Variants in TBC1D5 observed in about 807,000 individuals in gnomAD.
TBC1D5 encodes TBC1 domain family, member 5.
Under a neutral mutation model 100.3 loss-of-function variants are expected in TBC1D5, and 75 were observed. The observed-to-expected ratio is 0.75, with a 90% CI of 0.62 to 0.91. TBC1D5 has a LOEUF of 0.91. TBC1D5 is among the 40% of genes least tolerant of loss of function. The probability of loss-of-function intolerance (pLI) is 0.00; values close to 1 mark genes in which losing one functional copy is unlikely to be tolerated. For synonymous variants in TBC1D5, 323 were observed against 325.6 expected (o/e 0.99, Z 0.09); for missense variants, 910 against 942.4 (o/e 0.97, Z 0.45).
chr3:17,390,716 C>CA (rs2093326893), intron 8 of TBC1D5, among the ~76,000 whole-genome samples: 1 of 152,058 alleles, frequency 6.6e-6, no homozygotes, highest in South Asian at 2.1e-4. Flanking sequence ...TATTAACCAC[C>CA]AAAATAACTA....
intron 1 of TBC1D5, among the ~76,000 whole-genome samples, chr3:17,636,447 G>A (rs2063937137): frequency 6.6e-6 from 1 of 151,998 alleles, no homozygotes. Flanking sequence ...TGAGTAATAA[G>A]AGAAATTAGT....
chr3:17,724,546 TTTG>T (rs942121116), intron 1 of TBC1D5, among the ~76,000 whole-genome samples: 2 of 152,232 alleles, frequency 1.3e-5, no homozygotes, highest in African/African-American at 4.8e-5. Flanking sequence ...AGAGATTTTC[TTTG>T]TTGTTGATGT....
intron 15 of TBC1D5, among the ~76,000 whole-genome samples, chr3:17,267,864 A>T (rs2079005148): frequency 6.6e-6 from 1 of 152,192 alleles, no homozygotes; most frequent in Non-Finnish European, 1.5e-5. Flanking sequence ...CAATGAAAAA[A>T]CATCTTGGAA....
At chr3:17,529,671 G>C (rs2096191762) in intron 2 of TBC1D5, among the ~76,000 whole-genome samples, 1 of 151,464 alleles carries the variant, frequency 6.6e-6, no homozygotes, top group African/African-American at 2.4e-5. Flanking sequence ...TTTTGAGACA[G>C]AGTCTTGTTC....
intron 14 of TBC1D5, among the ~76,000 whole-genome samples, chr3:17,295,696 T>A (rs1212509310): frequency 6.6e-6 from 1 of 152,240 alleles, no homozygotes; most frequent in Non-Finnish European, 1.5e-5. Context: ...TAAGTTCATA[T>A]TGAGATATAC....
intron 1 of TBC1D5, among the ~76,000 whole-genome samples, chr3:17,627,573 A>C (rs1352859562): frequency 6.6e-6 from 1 of 152,126 alleles, no homozygotes; most frequent in Non-Finnish European, 1.5e-5. Context: ...CCATAAAGAG[A>C]GTGCTTGCAA....
At chr3:17,219,477 TG>T (rs1345805316) in intron 17 of TBC1D5, among the ~76,000 whole-genome samples, 5 of 126,694 alleles carry the variant, frequency 3.9e-5, no homozygotes, top group African/African-American at 5.6e-5. Context: ...TACTTTCCTG[TG>T]GTTTTTTTTT....
At chr3:17,307,378 G>A (rs374452801) in intron 14 of TBC1D5, among the ~76,000 whole-genome samples, 5 of 152,112 alleles carry the variant, frequency 3.3e-5, no homozygotes, top group African/African-American at 4.8e-5. Context: ...AATACACACC[G>A]ATATTTTCTT....
intron 3 of TBC1D5, among the ~76,000 whole-genome samples, chr3:17,479,476 A>G (rs7650295): frequency 0.077 from 11,676 of 152,284 alleles, 908 homozygotes; most frequent in African/African-American, 0.21. Flanking sequence ...ACATAATATT[A>G]AAGTTGCAAA....
chr3:17,227,553 A>G (rs1428704903), intron 17 of TBC1D5, among the ~76,000 whole-genome samples: 1 of 152,126 alleles, frequency 6.6e-6, no homozygotes, highest in Non-Finnish European at 1.5e-5. Flanking sequence ...TTGTAGGAAC[A>G]TAGATGGAGC....
At chr3:17,561,563 A>C (rs1230093436) in intron 2 of TBC1D5, among the ~76,000 whole-genome samples, 2 of 152,192 alleles carry the variant, frequency 1.3e-5, no homozygotes, top group Non-Finnish European at 2.9e-5. Flanking sequence ...AAGGCGAAAA[A>C]ACATAAAGTA....
chr3:17,648,015 C>A (rs1393553444), intron 1 of TBC1D5, among the ~76,000 whole-genome samples: 1 of 151,998 alleles, frequency 6.6e-6, no homozygotes, highest in Non-Finnish European at 1.5e-5. Context: ...AAAAAGACAC[C>A]GAATAGCCAA....
intron 1 of TBC1D5, among the ~76,000 whole-genome samples, chr3:17,727,587 A>G (rs1168995606): frequency 6.6e-6 from 1 of 152,240 alleles, no homozygotes; most frequent in African/African-American, 2.4e-5. Context: ...TCTACATGAA[A>G]TAAATGATTT....
At chr3:17,637,234 G>C (rs901409516) in intron 1 of TBC1D5, among the ~76,000 whole-genome samples, 1 of 142,158 alleles carries the variant, frequency 7.0e-6, no homozygotes, top group African/African-American at 2.6e-5. Flanking sequence ...AGTAGAGACG[G>C]GGTTTCACCC....
At chr3:17,361,673 T>G (rs1359703535) in intron 13 of TBC1D5, among the ~76,000 whole-genome samples, 1 of 151,808 alleles carries the variant, frequency 6.6e-6, no homozygotes, top group Non-Finnish European at 1.5e-5. Flanking sequence ...TAAAGAAAAA[T>G]TTAAAATATC....
intron 16 of TBC1D5, among the ~76,000 whole-genome samples, chr3:17,255,374 GTATTTTTAATA>G (rs2077548884): frequency 6.6e-6 from 1 of 151,978 alleles, no homozygotes; most frequent in Non-Finnish European, 1.5e-5. Flanking sequence ...CTAATTTTTT[GTATTTTTAATA>G]GAGACAGGGT....
chr3:17,238,535 C>A, intron 16 of TBC1D5, 116 bp from the exon 17 acceptor site: 1 of 1,212,356 alleles, frequency 8.2e-7, no homozygotes, highest in Admixed American at 2.9e-5. Flanking sequence ...TTTACTAGAC[C>A]AGCTATATAA....
chr3:17,664,025 T>G (rs554891401), intron 1 of TBC1D5, among the ~76,000 whole-genome samples: 4 of 152,294 alleles, frequency 2.6e-5, no homozygotes, highest in Admixed American at 2.0e-4. Flanking sequence ...AAAAATGCAT[T>G]TTTACACTGA....
intron 16 of TBC1D5, among the ~76,000 whole-genome samples, chr3:17,251,273 G>A (rs1294576366): frequency 6.6e-6 from 1 of 152,136 alleles, no homozygotes; most frequent in Non-Finnish European, 1.5e-5. Flanking sequence ...TTAAGGCCTA[G>A]GATGCTTTCA....
Sources: gnomAD v4.1 joint callset for allele counts (sites outside exome capture counted in the v4.1 genomes callset) on GRCh38, gnomAD v4.1.1 for gene constraint, MANE v1.5 for transcripts, NCBI Gene and HGNC (gene_info 2026-07-23, HGNC 2026-07-21) for gene names.